DIAPH3: variants seen among roughly 807,000 people sequenced by gnomAD.
DIAPH3 encodes the protein protein diaphanous homolog 3.
Under a neutral mutation model 144.3 loss-of-function variants are expected in DIAPH3, and 117 were observed. That is an observed-to-expected ratio of 0.81 (90% CI 0.70 to 0.95). The LOEUF is 0.95. Ranked by LOEUF, DIAPH3 falls within the 40% of genes least tolerant of loss-of-function variation. DIAPH3 has a pLI of 0.00. For missense variants in DIAPH3, 1,421 were observed against 1,412.7 expected (o/e 1.01, Z -0.09); for synonymous variants, 519 against 488.9 (o/e 1.06, Z -0.81).
At position 59,992,191 on chromosome 13, in the gene DIAPH3, A is replaced by G. The variant is rs752330542; in HGVS notation, c.1126-5T>C. On this transcript the variant is annotated splice_region_variant and splice_polypyrimidine_tract_variant and intron_variant, in intron 10 of 27. Coordinates refer to ENST00000400324, the MANE Select transcript of DIAPH3 (RefSeq NM_001042517.2). Reference sequence around the variant, plus strand: ...ATTCTTAATGCATTTTAAATTCTAGAGATATGAAATAGAAATTATGATGAA... The same window carrying G: ...ATTCTTAATGCATTTTAAATTCTAGGGATATGAAATAGAAATTATGATGAA... The G allele has an allele frequency of 6.3e-7, 1 of 1,592,942 alleles. No individual in the cohort carries two copies. Among genetic ancestry groups the G allele is most frequent in the South Asian group, 1.1e-5 (1 of 90,390 alleles).
intron 3 of DIAPH3, among the ~76,000 whole-genome samples, chr13:60,100,189 G>A (rs2058231231): frequency 6.6e-6 from 1 of 152,100 alleles, no homozygotes; most frequent in Non-Finnish European, 1.5e-5. Context: ...CCTTAACAAA[G>A]TTGTCCAGGC....
At chr13:60,079,306 C>T (rs2057470292) in intron 4 of DIAPH3, among the ~76,000 whole-genome samples, 1 of 151,972 alleles carries the variant, frequency 6.6e-6, no homozygotes. Flanking sequence ...ATGCTCAAAG[C>T]ATACTGAAGG....
chr13:59,833,926 C>CAAAAT (rs3076658), intron 23 of DIAPH3, among the ~76,000 whole-genome samples: 145,658 of 151,506 alleles, frequency 0.96, 70,281 homozygotes, highest in Non-Finnish European at 1. Flanking sequence ...TAAAAGCAAA[C>CAAAAT]AAAATTTTAA....
At chr13:60,114,166 T>A in intron 2 of DIAPH3, among the ~76,000 whole-genome samples, 1 of 148,402 alleles carries the variant, frequency 6.7e-6, no homozygotes. Flanking sequence ...GAAAGAGAAC[T>A]CTACATTAAC....
chr13:59,869,494 G>A (rs1385741225), intron 21 of DIAPH3, among the ~76,000 whole-genome samples: 1 of 152,172 alleles, frequency 6.6e-6, no homozygotes, highest in Admixed American at 6.6e-5. Context: ...ATTGTGAAAA[G>A]AACAGTTGTT....
intron 25 of DIAPH3, among the ~76,000 whole-genome samples, chr13:59,781,215 A>G (rs1443182732): frequency 3.3e-5 from 5 of 152,268 alleles, no homozygotes; most frequent in African/African-American, 4.8e-5. Context: ...AAATAAGACT[A>G]GGACTGGATT....
intron 27 of DIAPH3, among the ~76,000 whole-genome samples, chr13:59,739,655 T>C (rs557188045): frequency 2.0e-5 from 3 of 152,244 alleles, no homozygotes; most frequent in Admixed American, 6.5e-5. Context: ...AACTGAGACA[T>C]AGAGAGATTA....
At position 59,863,200 on chromosome 13, in the gene DIAPH3, G is replaced by A. The variant is rs985721360; in HGVS notation, c.2608-1664C>T. 6.6e-5 allele frequency among the ~76,000 whole-genome samples: 10 copies of A among 152,072 alleles called. 1 individual carries two copies. The highest frequency in any genetic ancestry group is 5.9e-4 in the Admixed American group (9 of 15,254). On this transcript the variant is annotated intron_variant, in intron 21 of 27. Coordinates refer to ENST00000400324, the MANE Select transcript of DIAPH3 (RefSeq NM_001042517.2). ...TAGAAAGTATTGGCAAGGAGGAGTG[G>A]TATGAACACAGGACTAATAGGTAAT... is the stretch of plus-strand genomic sequence containing the variant.
At chr13:60,126,513 A>T (rs2058995295) in intron 2 of DIAPH3, among the ~76,000 whole-genome samples, 1 of 152,206 alleles carries the variant, frequency 6.6e-6, no homozygotes, top group Non-Finnish European at 1.5e-5. Context: ...CTAAAATCAC[A>T]GTGGGAGACT....
rs142019991 is a variant in DIAPH3, at chr13:59,907,176, G to A, written c.2367+4559C>T. Reference sequence around the variant, plus strand: ...AAGCTGAGTAAAAGAGGAGGCTATTGCCTCTCAAATATACACCAATTTCTC... The same window carrying A: ...AAGCTGAGTAAAAGAGGAGGCTATTACCTCTCAAATATACACCAATTTCTC... On this transcript the variant is annotated intron_variant, in intron 20 of 27. Transcript: ENST00000400324. Among the ~76,000 whole-genome samples, 207 of 152,246 alleles carry A rather than the reference G, an allele frequency of 1.4e-3. 1 individual carries two copies. Among genetic ancestry groups the A allele is most frequent in the African/African-American group, 4.8e-3 (199 of 41,568 alleles).
intron 9 of DIAPH3, among the ~76,000 whole-genome samples, chr13:59,997,734 T>C (rs1594276034): frequency 6.6e-6 from 1 of 152,220 alleles, no homozygotes; most frequent in East Asian, 1.9e-4. Context: ...CTGATTGCGC[T>C]GATGAGATTT....
chr13:59,923,283 G>A (rs993353073), intron 18 of DIAPH3, among the ~76,000 whole-genome samples: 7 of 152,144 alleles, frequency 4.6e-5, no homozygotes, highest in Admixed American at 1.3e-4. Context: ...TGTAATGCAG[G>A]TCATGAACAT....
intron 2 of DIAPH3, among the ~76,000 whole-genome samples, chr13:60,118,225 A>C (rs2058746811): frequency 6.6e-6 from 1 of 152,224 alleles, no homozygotes; most frequent in Non-Finnish European, 1.5e-5. Flanking sequence ...ATTAAACAAA[A>C]AAAGGTTCAA....
intron 20 of DIAPH3, among the ~76,000 whole-genome samples, chr13:59,905,553 T>A (rs1278940348): frequency 6.6e-6 from 1 of 152,104 alleles, no homozygotes; most frequent in South Asian, 2.1e-4. Context: ...GTCCCTGTTA[T>A]AGGCAAAATA....
chr13:60,104,808 T>C (rs2058362546), intron 3 of DIAPH3, among the ~76,000 whole-genome samples: 1 of 152,120 alleles, frequency 6.6e-6, no homozygotes, highest in Non-Finnish European at 1.5e-5. Context: ...CTGCCAGTGA[T>C]TGGCCAGGCG....
chr13:59,726,870 G>A (rs560796017), intron 27 of DIAPH3, among the ~76,000 whole-genome samples: 1 of 152,266 alleles, frequency 6.6e-6, no homozygotes, highest in South Asian at 2.1e-4. Context: ...AAGTGTATAA[G>A]ATTGTTGATG....
At chr13:60,082,209 C>T (rs2057582048) in intron 4 of DIAPH3, among the ~76,000 whole-genome samples, 1 of 149,642 alleles carries the variant, frequency 6.7e-6, no homozygotes, top group South Asian at 2.1e-4. Context: ...CAAGAATAAA[C>T]ATAATGTCAT....
intron 4 of DIAPH3, among the ~76,000 whole-genome samples, chr13:60,079,659 T>C (rs1244281798): frequency 1.3e-5 from 2 of 151,650 alleles, no homozygotes; most frequent in African/African-American, 2.4e-5. Flanking sequence ...GCATGTCTTA[T>C]GTGGGAAAAA....
intron 18 of DIAPH3, among the ~76,000 whole-genome samples, chr13:59,922,384 A>C (rs2047561687): frequency 6.6e-6 from 1 of 152,060 alleles, no homozygotes; most frequent in African/African-American, 2.4e-5. Context: ...AACCAAAACC[A>C]CTTTTAAATA....
Sources: allele counts gnomAD v4.1 joint callset (sites outside exome capture counted in the v4.1 genomes callset), GRCh38; gene constraint gnomAD v4.1.1; transcripts MANE v1.5; gene names NCBI Gene and HGNC (gene_info 2026-07-23, HGNC 2026-07-21).